The following RBFOX2 variants were observed in gnomAD, a reference collection of about 807,000 sequenced individuals.
RBFOX2 encodes the protein RNA binding fox-1 homolog 2.
RBFOX2 carries 10 observed loss-of-function variants against 49.1 expected under a neutral mutation model. The ratio of observed to expected loss-of-function variants is 0.20; its 90% CI spans 0.13 to 0.35. The LOEUF is 0.35. RBFOX2 is among the 10% of genes least tolerant of loss of function. RBFOX2 has a pLI of 1.00. For synonymous variants in RBFOX2, 183 were observed against 187.4 expected, an observed-to-expected ratio of 0.98 and a Z score of 0.19; for missense variants, 323 against 486.9, an observed-to-expected ratio of 0.66 and a Z score of 3.17.
intron 1 of RBFOX2, among the ~76,000 whole-genome samples, chr22:35,875,039 G>A (rs1479905116): frequency 2.6e-5 from 4 of 152,156 alleles, no homozygotes; most frequent in Non-Finnish European, 4.4e-5. Flanking sequence ...CAAAGAAGAG[G>A]TTGTGTGAGC....
chr22:35,855,787 G>A (rs977981480), intron 1 of RBFOX2, among the ~76,000 whole-genome samples: 1 of 152,052 alleles, frequency 6.6e-6, no homozygotes, highest in Non-Finnish European at 1.5e-5. Context: ...CCCACTGGGA[G>A]GCTCAGGCAG....
At chr22:35,872,798 G>A (rs535872556) in intron 1 of RBFOX2, among the ~76,000 whole-genome samples, 6 of 152,246 alleles carry the variant, frequency 3.9e-5, no homozygotes, top group African/African-American at 9.6e-5. Context: ...CTAGGGTCTC[G>A]GGTTTTTATA....
intron 4 of RBFOX2, among the ~76,000 whole-genome samples, chr22:35,771,491 A>T (rs1000939746): frequency 6.6e-6 from 1 of 152,084 alleles, no homozygotes; most frequent in Non-Finnish European, 1.5e-5. Context: ...TGGACTTCTG[A>T]CCTCCAGAGC....
intron 4 of RBFOX2, among the ~76,000 whole-genome samples, chr22:35,776,149 A>G (rs982022914): frequency 6.6e-6 from 1 of 152,192 alleles, no homozygotes; most frequent in Non-Finnish European, 1.5e-5. Context: ...TTTTACATTC[A>G]TGTGCTTCTT....
intron 1 of RBFOX2, among the ~76,000 whole-genome samples, chr22:35,821,240 A>C (rs1432989962): frequency 6.6e-6 from 1 of 151,766 alleles, no homozygotes; most frequent in African/African-American, 2.4e-5. Flanking sequence ...TTTATTTTTT[A>C]TCTTTATCAA....
intron 1 of RBFOX2, among the ~76,000 whole-genome samples, chr22:36,018,903 C>T (rs1023998347): frequency 2.0e-5 from 3 of 152,068 alleles, no homozygotes; most frequent in Non-Finnish European, 4.4e-5. Flanking sequence ...CATGAGCCAC[C>T]GCACCTGGCC....
At chr22:35,984,068 G>A (rs999595458) in intron 1 of RBFOX2, among the ~76,000 whole-genome samples, 1 of 151,682 alleles carries the variant, frequency 6.6e-6, no homozygotes, top group African/African-American at 2.4e-5. Flanking sequence ...TGACCTCTTG[G>A]GGATCCCTCC....
At chr22:35,829,651 T>A (rs1483921259) in intron 1 of RBFOX2, among the ~76,000 whole-genome samples, 1 of 152,166 alleles carries the variant, frequency 6.6e-6, no homozygotes, top group Non-Finnish European at 1.5e-5. Context: ...CTGCTATATA[T>A]CTGCGATGAC....
chr22:35,816,163 G>GC (rs1476900504), intron 1 of RBFOX2, among the ~76,000 whole-genome samples: 2 of 152,128 alleles, frequency 1.3e-5, no homozygotes, highest in Admixed American at 1.3e-4. Flanking sequence ...ATGCTCATTT[G>GC]CAAGACTTAA....
intron 1 of RBFOX2, among the ~76,000 whole-genome samples, chr22:36,011,731 T>A (rs1220595609): frequency 2.6e-5 from 4 of 152,016 alleles, no homozygotes; most frequent in African/African-American, 9.7e-5. Flanking sequence ...TCATTAACCA[T>A]GTGAATATAT....
chr22:36,026,634 G>C (rs932082169), intron 1 of RBFOX2, among the ~76,000 whole-genome samples: 2 of 151,642 alleles, frequency 1.3e-5, no homozygotes, highest in African/African-American at 4.9e-5. Context: ...TCCAATATTA[G>C]CTCACCTCAC....
At chr22:35,794,327 A>C (rs1382945376) in intron 2 of RBFOX2, among the ~76,000 whole-genome samples, 1 of 152,174 alleles carries the variant, frequency 6.6e-6, no homozygotes, top group Non-Finnish European at 1.5e-5. Flanking sequence ...AAATCACTTA[A>C]CACCACTGAC....
At chr22:35,858,339 A>C (rs554285326) in intron 1 of RBFOX2, among the ~76,000 whole-genome samples, 55 of 152,234 alleles carry the variant, frequency 3.6e-4, no homozygotes, top group African/African-American at 1.2e-3. Flanking sequence ...AAAATGCCCA[A>C]ATCTTAAAAA....
At chr22:35,786,367 A>G (rs1023610901) in intron 2 of RBFOX2, among the ~76,000 whole-genome samples, 16 of 152,234 alleles carry the variant, frequency 1.1e-4, no homozygotes, top group African/African-American at 3.9e-4. Context: ...GTGACCTATC[A>G]TTTCCTAAAT....
chr22:35,949,366 C>G (rs2054657531), intron 1 of RBFOX2, among the ~76,000 whole-genome samples: 1 of 152,200 alleles, frequency 6.6e-6, no homozygotes, highest in South Asian at 2.1e-4. Context: ...GATATCTATT[C>G]AAGTCCCTGC....
intron 1 of RBFOX2, chr22:35,995,308 G>A (rs989103023): frequency 6.6e-6 from 1 of 152,102 alleles, no homozygotes; most frequent in Admixed American, 6.5e-5. Context: ...GGAAATAAAT[G>A]GGGAAAAACA....
At chr22:35,918,378 G>A (rs1335837753) in intron 1 of RBFOX2, among the ~76,000 whole-genome samples, 1 of 152,152 alleles carries the variant, frequency 6.6e-6, no homozygotes, top group East Asian at 1.9e-4. Context: ...GCACCCAGAA[G>A]GGCACATTGT....
At chr22:35,779,412 G>C (rs1650504111) in intron 3 of RBFOX2, among the ~76,000 whole-genome samples, 1 of 152,168 alleles carries the variant, frequency 6.6e-6, no homozygotes, top group Non-Finnish European at 1.5e-5. Context: ...TGTTCCATTG[G>C]ACTGAATCAC....
chr22:35,909,895 G>A (rs1194599722), intron 1 of RBFOX2, among the ~76,000 whole-genome samples: 2 of 152,192 alleles, frequency 1.3e-5, no homozygotes, highest in Non-Finnish European at 2.9e-5. Context: ...TTATAGGCGT[G>A]AGCCACTGTG....
Sources: gnomAD v4.1 joint callset for allele counts (sites outside exome capture counted in the v4.1 genomes callset) on GRCh38, gnomAD v4.1.1 for gene constraint, MANE v1.5 for transcripts, NCBI Gene and HGNC (gene_info 2026-07-23, HGNC 2026-07-21) for gene names.